Variants in STAG1 observed in about 807,000 individuals in gnomAD.
STAG1 encodes STAG1 cohesin complex component.
Under a neutral mutation model 170.9 loss-of-function variants are expected in STAG1, and 26 were observed. The observed-to-expected ratio is 0.15, with a 90% CI of 0.11 to 0.21. The LOEUF (loss-of-function observed/expected upper bound fraction) is 0.21, where lower values mean the gene tolerates loss of function less well. STAG1 is among the 10% of genes least tolerant of loss of function. The probability of loss-of-function intolerance (pLI) is 1.00; values close to 1 mark genes in which losing one functional copy is unlikely to be tolerated. For synonymous variants in STAG1, 514 were observed against 497.7 expected (o/e 1.03, Z -0.44); for missense variants, 964 against 1,509.5 (o/e 0.64, Z 5.99).
chr3:136,655,881 T>G (rs1295811870), intron 1 of STAG1, among the ~76,000 whole-genome samples: 1 of 152,000 alleles, frequency 6.6e-6, no homozygotes, highest in Non-Finnish European at 1.5e-5. Context: ...CTCAGAAAAT[T>G]AAGAATAGAC....
intron 12 of STAG1, among the ~76,000 whole-genome samples, chr3:136,469,474 G>A (rs1388937303): frequency 2.0e-5 from 3 of 152,170 alleles, no homozygotes; most frequent in Non-Finnish European, 4.4e-5. Flanking sequence ...ACTGCTCAAT[G>A]AAATAAAAGA....
chr3:136,362,920 T>A (rs898912627), intron 26 of STAG1, among the ~76,000 whole-genome samples: 1 of 152,014 alleles, frequency 6.6e-6, no homozygotes, highest in Non-Finnish European at 1.5e-5. Context: ...ATATATATTA[T>A]GTATTTTTAT....
rs963097348 is a variant in STAG1 at position 136,603,892 on chromosome 3, A to AAAAG, written c.297+413_297+416dup. ...ACAGAGCCAGACTCTGTCTCAAAAA[A>AAAAG]AAAGAAAGAAAGAAAGAAAGAAAGT... On this transcript the variant is annotated intron_variant, in intron 4 of 33. Transcript: ENST00000383202. Among the ~76,000 whole-genome samples, 1,291 of 152,126 alleles carry AAAAG rather than the reference A, an allele frequency of 8.5e-3. 23 individuals carry two copies. The highest frequency in any genetic ancestry group is 0.027 in the African/African-American group (1,136 of 41,514).
At chr3:136,590,116 C>T (rs1470286191) in intron 4 of STAG1, among the ~76,000 whole-genome samples, 1 of 151,394 alleles carries the variant, frequency 6.6e-6, no homozygotes, top group African/African-American at 2.4e-5. Flanking sequence ...GAGTGAGACT[C>T]CGTCTCTAAA....
intron 1 of STAG1, among the ~76,000 whole-genome samples, chr3:136,680,789 A>AAT (rs1056644189): frequency 4.6e-5 from 7 of 150,966 alleles, no homozygotes; most frequent in Non-Finnish European, 4.4e-5. Context: ...TATATAAAGA[A>AAT]ATATATATAT....
rs775648149 is a variant in STAG1 at position 136,369,281 on chromosome 3, G to A, written c.2372C>T (p.Ala791Val). Reference sequence around the variant, plus strand: ...CAGAAGATCACAGAGTAACATGAAAGCCTGGAATACAAAGGCAATTTATCA... The same window carrying A: ...CAGAAGATCACAGAGTAACATGAAAACCTGGAATACAAAGGCAATTTATCA... ...SNVNTPVKEQAFMLLCDLLMI... is the reference protein window; with the variant it reads ...SNVNTPVKEQVFMLLCDLLMI... Residue 791 changes from alanine (A) to valine (V), a missense_variant and splice_region_variant, in exon 24 of 34, where the codon GCT becomes GTT. By Grantham distance (64) the Ala-to-Val change is moderately conservative (BLOSUM62 0). Coordinates refer to ENST00000383202, the MANE Select transcript of STAG1 (RefSeq NM_005862.3). 6.3e-7 allele frequency: 1 copy of A among 1,578,956 alleles called. No individual in the cohort carries two copies. Among genetic ancestry groups the A allele is most frequent in the Non-Finnish European group, 8.5e-7 (1 of 1,169,912 alleles).
rs1485612117 is a variant in STAG1 at position 136,452,057 on chromosome 3, C to T, written c.1404G>A (p.Leu468=). 6.2e-7 allele frequency: 1 copy of T among 1,610,772 alleles called. No individual in the cohort carries two copies. The highest frequency in any genetic ancestry group is 1.7e-5 in the Admixed American group (1 of 59,686). The change falls in exon 14 of 34, where the codon CTG becomes CTA. Residue 468 remains leucine, a synonymous_variant. Coordinates refer to ENST00000383202, the MANE Select transcript of STAG1 (RefSeq NM_005862.3). ...CCTCACTTTCAAGAAAGAAAAGAAC[C>T]AGCATCCTAATGAGGTTTCCATTCG... ...NSPNGNLIRM[L]VLFFLESELH...
intron 1 of STAG1, among the ~76,000 whole-genome samples, chr3:136,730,990 G>A (rs1156260382): frequency 6.6e-6 from 1 of 152,152 alleles, no homozygotes; most frequent in Non-Finnish European, 1.5e-5. Flanking sequence ...TGTCTAACAA[G>A]TTTCTAAGTA....
intron 16 of STAG1, among the ~76,000 whole-genome samples, chr3:136,425,690 GTGTA>G (rs557703470): frequency 2.0e-5 from 3 of 150,378 alleles, no homozygotes; most frequent in Non-Finnish European, 3.0e-5. Context: ...GTGTATGTGT[GTGTA>G]TGTATGTATG....
intron 6 of STAG1, among the ~76,000 whole-genome samples, chr3:136,523,826 T>C (rs1244379187): frequency 1.3e-5 from 2 of 152,206 alleles, no homozygotes; most frequent in African/African-American, 4.8e-5. Flanking sequence ...TAGCCAGTTT[T>C]CCCAGCACCA....
chr3:136,408,618 T>A (rs936779195), intron 21 of STAG1, among the ~76,000 whole-genome samples: 1 of 152,090 alleles, frequency 6.6e-6, no homozygotes, highest in Non-Finnish European at 1.5e-5. Context: ...GTAGAATTTA[T>A]AAAAAACAAT....
intron 1 of STAG1, among the ~76,000 whole-genome samples, chr3:136,746,432 T>TA (rs202204024): frequency 0.037 from 5,437 of 145,706 alleles, 125 homozygotes; most frequent in East Asian, 0.14. Context: ...AATGATGAGC[T>TA]AAAAAAAAAA....
chr3:136,468,868 A>T (rs2089545909), intron 12 of STAG1, among the ~76,000 whole-genome samples: 1 of 152,248 alleles, frequency 6.6e-6, no homozygotes, highest in South Asian at 2.1e-4. Flanking sequence ...GCATATGAAC[A>T]GAACCAAAGA....
At chr3:136,611,153 ATTTT>A (rs1163830048) in intron 3 of STAG1, among the ~76,000 whole-genome samples, 1 of 151,428 alleles carries the variant, frequency 6.6e-6, no homozygotes, top group Middle Eastern at 3.2e-3. Context: ...ATTTTACATA[ATTTT>A]TTTTTCTTTT....
At chr3:136,385,908 C>T (rs1470768789) in intron 22 of STAG1, among the ~76,000 whole-genome samples, 1 of 152,194 alleles carries the variant, frequency 6.6e-6, no homozygotes, top group African/African-American at 2.4e-5. Context: ...TGATATGTTG[C>T]TCAGGCTGAC....
intron 4 of STAG1, among the ~76,000 whole-genome samples, chr3:136,592,984 G>A (rs1292806284): frequency 2.6e-5 from 4 of 152,164 alleles, no homozygotes; most frequent in African/African-American, 7.2e-5. Context: ...TGACAAGGGT[G>A]TTGTTATCAT....
intron 1 of STAG1, among the ~76,000 whole-genome samples, chr3:136,686,014 G>GT (rs1942510111): frequency 6.6e-6 from 1 of 152,170 alleles, no homozygotes; most frequent in African/African-American, 2.4e-5. Context: ...TCAAGTATTG[G>GT]TAAGCTCTGA....
rs1209185193 is a variant in STAG1 at position 136,752,158 on chromosome 3, CCCGCCCCCCGCCGCCGTCG to C, written c.-84+18_-84+36del. 2 of 153,548 alleles carry C rather than the reference CCCGCCCCCCGCCGCCGTCG, an allele frequency of 1.3e-5. No individual in the cohort carries two copies. Among genetic ancestry groups the C allele is most frequent in the African/African-American group, 2.4e-5 (1 of 41,420 alleles). The allele number at this position is 153,548 out of a possible 1,614,324, so 9.5% of individuals were successfully genotyped here. On this transcript the variant is annotated intron_variant, in intron 1 of 33. Transcript: ENST00000383202. ...CGCTGCCGCCGCATTCCCCCTCTTT[CCCGCCCCCCGCCGCCGTCG>C]CCGCCGCCCGCACTCACCTCAGCTG... is the stretch of plus-strand genomic sequence containing the variant.
chr3:136,694,262 G>A (rs1024146965), intron 1 of STAG1, among the ~76,000 whole-genome samples: 1 of 152,138 alleles, frequency 6.6e-6, no homozygotes, highest in Non-Finnish European at 1.5e-5. Flanking sequence ...ACAGGGGATA[G>A]ATGCAACTGA....
Sources: gnomAD v4.1 joint callset for allele counts (sites outside exome capture counted in the v4.1 genomes callset) on GRCh38, gnomAD v4.1.1 for gene constraint, MANE v1.5 for transcripts, NCBI Gene and HGNC (gene_info 2026-07-23, HGNC 2026-07-21) for gene names.